Variants in NCOR2 observed in about 807,000 individuals in gnomAD.
NCOR2 encodes the protein nuclear receptor corepressor 2.
Under a neutral mutation model 262.9 loss-of-function variants are expected in NCOR2, and 81 were observed. The observed-to-expected ratio is 0.31, with a 90% CI of 0.26 to 0.37. The LOEUF is 0.37. NCOR2 is among the 10% of genes least tolerant of loss of function. The pLI is 1.00. For synonymous variants in NCOR2, 1,659 were observed against 1,559.3 expected, an observed-to-expected ratio of 1.06 and a Z score of -1.51; for missense variants, 3,385 against 3,621.4, an observed-to-expected ratio of 0.93 and a Z score of 1.68.
intron 1 of NCOR2, among the ~76,000 whole-genome samples, chr12:124,558,265 C>T (rs1452415701): frequency 7.6e-6 from 1 of 131,458 alleles, no homozygotes; most frequent in Non-Finnish European, 1.7e-5. Context: ...CTCTCCCACC[C>T]ACCCCCCCTC....
rs113327515 is a variant in NCOR2, at chr12:124,437,590, C to A, written c.882+340G>T. On this transcript the variant is annotated intron_variant, in intron 8 of 46. Coordinates refer to ENST00000405201, the Ensembl canonical transcript of NCOR2. The stretch of plus-strand genomic sequence containing the variant: ...CGGCACACAGCCCACCCTGATCCTC[C>A]ACCTCTCTCCAAAACCTCTCTTTCT... 2.0e-3 allele frequency among the ~76,000 whole-genome samples: 301 copies of A among 152,318 alleles called. 1 individual carries two copies. The highest frequency in any genetic ancestry group is 7.1e-3 in the African/African-American group (296 of 41,560).
At chr12:124,520,092 G>A (rs1316460243) in intron 1 of NCOR2, among the ~76,000 whole-genome samples, 2 of 152,216 alleles carry the variant, frequency 1.3e-5, no homozygotes, top group Admixed American at 6.5e-5. Flanking sequence ...CATAGTGGCT[G>A]CGGAGGCCCC....
chr12:124,354,534 G>A, exon 26 of NCOR2: 3 of 1,597,872 alleles, frequency 1.9e-6, no homozygotes, highest in Non-Finnish European at 2.6e-6. Flanking sequence ...CGGTGGCCCA[G>A]CCTGGCCCCG....
chr12:124,402,284 C>A, intron 14 of NCOR2, 120 bp downstream of exon 16: 2 of 1,536,664 alleles, frequency 1.3e-6, no homozygotes, highest in South Asian at 1.3e-5. Flanking sequence ...AAAGCCCTCC[C>A]CCCTGCTCAC....
At chr12:124,334,435 T>C in exon 41 of NCOR2, 1 of 1,506,574 alleles carries the variant, frequency 6.6e-7, no homozygotes, top group Non-Finnish European at 8.8e-7. Flanking sequence ...TCTTGCCCCC[T>C]TCGCTGTGGG....
intron 1 of NCOR2, among the ~76,000 whole-genome samples, chr12:124,561,468 G>A (rs1279233206): frequency 2.0e-5 from 3 of 152,214 alleles, no homozygotes; most frequent in South Asian, 2.1e-4. Context: ...GCCCCACGTG[G>A]CTGTTAGTTA....
rs187019715 is a variant in NCOR2 at position 124,516,818 on chromosome 12, G to A, written c.-118+18747C>T. ...GCCCCCCACCCTCAGACCAGGTGCC[G>A]GTATTGTCAGCATCGAGAAAACAAA... On this transcript the variant is annotated intron_variant, in intron 1 of 46. Transcript: ENST00000404621. Among the ~76,000 whole-genome samples the A allele has an allele frequency of 3.6e-3, 547 of 152,244 alleles. 6 individuals carry two copies. The highest frequency in any genetic ancestry group is 0.013 in the African/African-American group (522 of 41,528).
chr12:124,344,690 G>C lies in NCOR2; in HGVS notation c.4621C>G (p.Leu1541Val), dbSNP rs756150078. Residue 1541 changes from leucine to valine, a missense_variant, in exon 32 of 47, where the codon CTG (leucine) becomes GTG (valine). Physicochemically the swap from Leu to Val is conservative, Grantham distance 32. Coordinates refer to ENST00000405201, the Ensembl canonical transcript of NCOR2. ...GGTGCCCCGTGGTCCTCATAGGTCA[G>C]GGGGCTCTGCCGCGGCTTACCCAGC... The C allele has an allele frequency of 8.1e-5, 124 of 1,527,880 alleles. No individual in the cohort carries two copies. Among genetic ancestry groups the C allele is most frequent in the Non-Finnish European group, 9.8e-5 (111 of 1,130,980 alleles). 94.6% of individuals were successfully genotyped at this position (1,527,880 alleles called of 1,614,324 possible). A position where few individuals can be genotyped will look rare whatever the true frequency, so the allele number is the denominator to read the frequency against.
rs2043849380 is a variant in NCOR2, at chr12:124,430,464, G to GAC, written c.1055+149_1055+150dup. Reference sequence around the variant, plus strand: ...GTATTAGGCCAAAGAGGCTCCACGTGACACAGGCCAGGGTCTGGTAGGGCC... The same window carrying GAC: ...GTATTAGGCCAAAGAGGCTCCACGTGACACACAGGCCAGGGTCTGGTAGGGCC... On this transcript the variant is annotated intron_variant, in intron 9 of 46. Transcript: ENST00000405201. 1.3e-5 allele frequency: 11 copies of GAC among 859,724 alleles called. No homozygotes were observed. The South Asian group carries it at 2.5e-4, about 20-fold the overall frequency. The allele number at this position is 859,724 out of a possible 1,614,324, so 53.3% of individuals were successfully genotyped here. A position where few individuals can be genotyped will look rare whatever the true frequency, so the allele number is the denominator to read the frequency against.
intron 1 of NCOR2, among the ~76,000 whole-genome samples, chr12:124,528,479 C>T (rs1481021754): frequency 6.6e-6 from 1 of 152,210 alleles, no homozygotes; most frequent in Non-Finnish European, 1.5e-5. Flanking sequence ...ATGCCATGCT[C>T]CTCCCTTGCC....
In NCOR2 at chr12:124,334,506, G is replaced by A. The variant is rs768792226; in HGVS notation, c.6523C>T (p.Arg2175Cys). ...GGGAGGTAGAGGTCACTGGGTGGGC[G>A]GCGGAGGTCCAGGACGGGGCAGCTG... The change falls in exon 41 of 47, where the codon CGC (arginine) becomes TGC (cysteine). Residue 2175 changes from arginine (R) to cysteine (C), a missense_variant. Physicochemically the swap from Arg to Cys is radical, Grantham distance 180. Coordinates refer to ENST00000405201, the Ensembl canonical transcript of NCOR2. 3.9e-5 allele frequency: 57 copies of A among 1,448,334 alleles called. No individual in the cohort carries two copies. The highest frequency in any genetic ancestry group is 4.8e-5 in the Non-Finnish European group (53 of 1,102,128). The allele number at this position is 1,448,334 out of a possible 1,614,324, so 89.7% of individuals were successfully genotyped here.
chr12:124,547,681 CA>C (rs1566049043), intron 1 of NCOR2, among the ~76,000 whole-genome samples: 1 of 151,990 alleles, frequency 6.6e-6, no homozygotes, highest in East Asian at 1.9e-4. Context: ...CCCCTCCTTC[CA>C]GCCTCTGGCA....
chr12:124,355,290 G>T, intron 24 of NCOR2, 142 bp downstream of exon 26: 1 of 1,045,790 alleles, frequency 9.6e-7, no homozygotes. Context: ...GCAGGACCCA[G>T]CCAGCTCAGA....
intron 42 of NCOR2, 121 bp downstream of exon 44, chr12:124,333,009 G>T: frequency 7.4e-7 from 1 of 1,355,682 alleles, no homozygotes; most frequent in Non-Finnish European, 9.8e-7. Flanking sequence ...CAGGCTTGAG[G>T]TCACCCAGCT....
At chr12:124,501,486 TGGGG>T (rs1474957032) in intron 1 of NCOR2, among the ~76,000 whole-genome samples, 1 of 144,972 alleles carries the variant, frequency 6.9e-6, no homozygotes, top group African/African-American at 2.7e-5. Context: ...CCACGGCCTC[TGGGG>T]GCTCTGGGGG....
chr12:124,488,000 A>C (rs2047871744), intron 1 of NCOR2, among the ~76,000 whole-genome samples: 1 of 152,204 alleles, frequency 6.6e-6, no homozygotes. Flanking sequence ...TGTTTGCGGC[A>C]ATCAGTTAGT....
intron 20 of NCOR2, among the ~76,000 whole-genome samples, chr12:124,365,914 C>T (rs1353974788): frequency 6.6e-6 from 1 of 152,152 alleles, no homozygotes; most frequent in Non-Finnish European, 1.5e-5. Flanking sequence ...CAACATTCTC[C>T]ACCTGCGGCT....
At chr12:124,546,286 G>A (rs924383463) in intron 1 of NCOR2, among the ~76,000 whole-genome samples, 17 of 152,250 alleles carry the variant, frequency 1.1e-4, no homozygotes, top group African/African-American at 4.1e-4. Flanking sequence ...CCAGCATACA[G>A]TAAGGGCTTA....
At chr12:124,555,153 T>A (rs1220141330) in intron 1 of NCOR2, among the ~76,000 whole-genome samples, 2 of 152,200 alleles carry the variant, frequency 1.3e-5, no homozygotes, top group Admixed American at 1.3e-4. Context: ...AAACTAATAG[T>A]TCTGGCCACA....
Sources: gnomAD v4.1 joint callset for allele counts (sites outside exome capture counted in the v4.1 genomes callset) on GRCh38, gnomAD v4.1.1 for gene constraint, MANE v1.5 for transcripts, NCBI Gene and HGNC (gene_info 2026-07-23, HGNC 2026-07-21) for gene names.